Variants in POLR2B observed in about 807,000 individuals in gnomAD.
POLR2B encodes the protein RNA polymerase II subunit B.
POLR2B carries 57 observed loss-of-function variants against 144.6 expected under a neutral mutation model. The ratio of observed to expected loss-of-function variants is 0.39; its 90% CI spans 0.32 to 0.49. The LOEUF is 0.49. POLR2B is among the 20% of genes least tolerant of loss of function. The probability of loss-of-function intolerance (pLI) is 0.83; values close to 1 mark genes in which losing one functional copy is unlikely to be tolerated. For synonymous variants in POLR2B, 442 were observed against 469.8 expected (o/e 0.94, Z 0.77); for missense variants, 595 against 1,467.4 (o/e 0.41, Z 9.71).
At position 57,026,366 on chromosome 4, in the gene POLR2B, G is replaced by C. The variant is rs759192341; in HGVS notation, c.3239+829G>C. 7.2e-4 allele frequency among the ~76,000 whole-genome samples: 110 copies of C among 152,098 alleles called. 1 individual carries two copies. Among genetic ancestry groups the C allele is most frequent in the Non-Finnish European group, 3.4e-4 (23 of 68,018 alleles). On this transcript the variant is annotated intron_variant, in intron 23 of 24. Coordinates refer to ENST00000314595, the MANE Select transcript of POLR2B (RefSeq NM_000938.3). The stretch of plus-strand genomic sequence containing the variant: ...GTTGGAATTACAGGCGTGAACCACT[G>C]CACCCAGCCCTCTTGATTATTTTTA...
At chr4:57,015,847 C>T (rs1247153833) in intron 14 of POLR2B, among the ~76,000 whole-genome samples, 191 bp downstream of exon 14, 1 of 152,052 alleles carries the variant, frequency 6.6e-6, no homozygotes, top group East Asian at 1.9e-4. Flanking sequence ...TAACCTCCAC[C>T]TCCTGGGTTC....
intron 9 of POLR2B, 141 bp downstream of exon 9, chr4:57,005,860 T>G: frequency 1.4e-6 from 1 of 720,654 alleles, no homozygotes; most frequent in Non-Finnish European, 2.2e-6. Flanking sequence ...TGCTATTTGC[T>G]CAGATTTAGT....
At chr4:57,019,046 C>G (rs1393650289) in intron 16 of POLR2B, among the ~76,000 whole-genome samples, 1 of 152,136 alleles carries the variant, frequency 6.6e-6, no homozygotes, top group Non-Finnish European at 1.5e-5. Context: ...TGTAATGGGG[C>G]TCTACCATTT....
chr4:57,015,000 G>A (rs1723321758), intron 13 of POLR2B, among the ~76,000 whole-genome samples: 1 of 152,120 alleles, frequency 6.6e-6, no homozygotes, highest in Admixed American at 6.6e-5. Context: ...GTCACATGTG[G>A]CTATCCCCTG....
Position 57,022,199 on chromosome 4 carries a change from T to A in POLR2B, c.2468T>A (p.Phe823Tyr). Reference sequence around the variant, plus strand: ...AAAGAACAGGAGTCTAAAAAAGGATTTGATCAAGAAGAAGTTTTTGAGAAG... The same window carrying A: ...AAAGAACAGGAGTCTAAAAAAGGATATGATCAAGAAGAAGTTTTTGAGAAG... ...SYKEQESKKG[F>Y]DQEEVFEKPT... Residue 823 changes from phenylalanine (F) to tyrosine (Y), a missense_variant, in exon 18 of 25, where the codon TTT becomes TAT. Around this residue, in one of 9 missense-constraint regions of POLR2B, gnomAD observed 75 missense variants for 100.0 expected, o/e 0.75. Coordinates refer to ENST00000314595, the MANE Select transcript of POLR2B (RefSeq NM_000938.3). The A allele has an allele frequency of 6.2e-7, 1 of 1,612,958 alleles. No individual in the cohort carries two copies. Among genetic ancestry groups the A allele is most frequent in the Non-Finnish European group, 8.5e-7 (1 of 1,179,076 alleles).
intron 1 of POLR2B, chr4:56,985,443 C>G: frequency 1.0e-6 from 1 of 985,328 alleles, no homozygotes; most frequent in East Asian, 1.1e-4. Flanking sequence ...GTGGGGCGGC[C>G]CCGACTTTCG....
chr4:56,994,687 A>G lies in POLR2B; in HGVS notation c.397A>G (p.Ile133Val). Reference protein sequence around the residue: ...PLYVDITKTVIKEGEEQLQTQ... With the variant: ...PLYVDITKTVVKEGEEQLQTQ... ...TTATGTTGATATAACAAAAACAGTC[A>G]TTAAAGAAGGTGAAGAACAACTTCA... The change falls in exon 5 of 25, where the codon ATT becomes GTT. Residue 133 changes from isoleucine (I) to valine (V), a missense_variant. Ile to Val is a conservative substitution (Grantham distance 29). Coordinates refer to ENST00000314595, the MANE Select transcript of POLR2B (RefSeq NM_000938.3). The G allele has an allele frequency of 6.2e-7, 1 of 1,613,526 alleles. No individual in the cohort carries two copies. Among genetic ancestry groups the G allele is most frequent in the Non-Finnish European group, 8.5e-7 (1 of 1,179,470 alleles).
chr4:57,012,088 G>A (rs1626594), intron 13 of POLR2B, among the ~76,000 whole-genome samples: 56,040 of 151,786 alleles, frequency 0.37, 10,609 homozygotes, highest in South Asian at 0.47. Context: ...AGTGCTTTGG[G>A]ATTAGGATGG....
At chr4:56,982,456 C>T (rs1722184099) in intron 1 of POLR2B, among the ~76,000 whole-genome samples, 1 of 152,022 alleles carries the variant, frequency 6.6e-6, no homozygotes, top group African/African-American at 2.4e-5. Flanking sequence ...CCTGTGATCC[C>T]AGCTCCTCGG....
At chr4:56,980,839 C>G (rs1315213903) in intron 1 of POLR2B, among the ~76,000 whole-genome samples, 1 of 149,756 alleles carries the variant, frequency 6.7e-6, no homozygotes, top group African/African-American at 2.5e-5. Flanking sequence ...TGGTCTTGCT[C>G]TGTTGCCCAG....
intron 1 of POLR2B, among the ~76,000 whole-genome samples, chr4:56,979,451 G>C (rs910284593): frequency 8.7e-5 from 13 of 149,012 alleles, no homozygotes; most frequent in Admixed American, 6.7e-4. Context: ...CGGGGGGTGG[G>C]GGTGGCGGGG....
At position 57,010,767 on chromosome 4, in the gene POLR2B, T is replaced by G. The variant is rs753332110; in HGVS notation, c.1568T>G (p.Val523Gly). 6.2e-7 allele frequency: 1 copy of G among 1,606,558 alleles called. No homozygotes were observed. Among genetic ancestry groups the G allele is most frequent in the Non-Finnish European group, 8.5e-7 (1 of 1,176,916 alleles). ...TTTTAGGGCCATGCTGTAGGACTTG[T>G]GAAGAATTTAGCCTTGATGGCGTAT... Reference protein sequence around the residue: ...ETPEGHAVGLVKNLALMAYIS... With the variant: ...ETPEGHAVGLGKNLALMAYIS... Residue 523 changes from valine to glycine, a missense_variant, in exon 12 of 25, where the codon GTG becomes GGG. Val to Gly is a moderately radical substitution (Grantham distance 109). This residue lies in a region of POLR2B where 7 missense variants were observed against 82.5 expected (regional missense o/e 0.08). Coordinates refer to ENST00000314595, the MANE Select transcript of POLR2B (RefSeq NM_000938.3).
At chr4:57,030,030 C>T (rs190075968) in intron 23 of POLR2B, among the ~76,000 whole-genome samples, 174 bp from the exon 24 acceptor site, 146 of 152,188 alleles carry the variant, frequency 9.6e-4, no homozygotes, top group East Asian at 3.9e-4. Context: ...TTCTAATGCA[C>T]GTCAAATAGT....
Position 57,017,785 on chromosome 4 carries a change from C to T in POLR2B, c.2323+57C>T. The T allele has an allele frequency of 2.3e-6, 3 of 1,316,762 alleles. No individual in the cohort carries two copies. The highest frequency in any genetic ancestry group is 1.3e-5 in the South Asian group (1 of 76,912). The allele number at this position is 1,316,762 out of a possible 1,614,324, so 81.6% of individuals were successfully genotyped here. A position where few individuals can be genotyped will look rare whatever the true frequency, so the allele number is the denominator to read the frequency against. On this transcript the variant is annotated intron_variant, in intron 16 of 24. Coordinates refer to ENST00000314595, the MANE Select transcript of POLR2B (RefSeq NM_000938.3). This position sits in a 1 kb window ranked among gnomAD's most constrained non-coding sequence, Gnocchi z 4.8. ...ATCCTTCTGTGCTTAAGGCACTTTT[C>T]TGGGTGCTTGGGAGGATTAAAAAAT...
In POLR2B at chr4:57,010,828, A is replaced by AT. The variant is rs763843331; in HGVS notation, c.1634dup (p.Leu545PhefsTer19). On this transcript the variant is annotated frameshift_variant, in exon 12 of 25. Transcript: ENST00000314595. LOFTEE classifies it high-confidence loss of function. The stretch of plus-strand genomic sequence containing the variant: ...GATCTCAACCATCTCCAATTCTGGA[A>AT]TTTTTAGAAGAATGGAGTATGGAAA... 6.2e-7 allele frequency: 1 copy of AT among 1,610,758 alleles called. No individual in the cohort carries two copies. Among genetic ancestry groups the AT allele is most frequent in the South Asian group, 1.1e-5 (1 of 90,874 alleles).
rs771519371 is a variant in POLR2B, at chr4:56,986,354, A to G, written c.20A>G (p.Asp7Gly). 15 of 1,599,840 alleles carry G rather than the reference A, an allele frequency of 9.4e-6. No individual in the cohort carries two copies. The highest frequency in any genetic ancestry group is 1.3e-5 in the African/African-American group (1 of 74,734). MYDADEDMQYDEDDDEI... is the reference protein window; with the variant it reads MYDADEGMQYDEDDDEI... ...GAGTACAATATTTTTGTTTTTACAG[A>G]TATGCAATATGATGAGGATGATGAT... Residue 7 changes from aspartate to glycine, a missense_variant and splice_region_variant, in exon 2 of 25, where the codon GAT (aspartate) becomes GGT (glycine). Physicochemically the swap from Asp to Gly is moderately conservative, Grantham distance 94. Transcript: ENST00000314595.
Position 56,994,555 on chromosome 4 carries a change from A to G in POLR2B, c.356+39A>G, listed in dbSNP as rs766947033. On this transcript the variant is annotated intron_variant, in intron 4 of 24. Transcript: ENST00000314595. Reference sequence around the variant, plus strand: ...TTTCCTTGTCAGCAGTAGATACTGAAATAGAATTTTGAAAATGTAATTTTA... The same window carrying G: ...TTTCCTTGTCAGCAGTAGATACTGAGATAGAATTTTGAAAATGTAATTTTA... 1.4e-5 allele frequency: 21 copies of G among 1,456,706 alleles called. No individual in the cohort carries two copies. The African/African-American group carries it at 2.8e-4, about 19-fold the overall frequency. The allele number at this position is 1,456,706 out of a possible 1,614,324, so 90.2% of individuals were successfully genotyped here.
chr4:56,999,851 T>TAAAACATAGTAG, intron 7 of POLR2B, 70 bp downstream of exon 7: 1 of 1,065,002 alleles, frequency 9.4e-7, no homozygotes, highest in Non-Finnish European at 1.4e-6. Context: ...TTGCTAACCT[T>TAAAACATAGTAG]AAAACATAGT....
In POLR2B at chr4:57,024,885, G is replaced by C; in HGVS notation, c.2965-1G>C. 1 of 1,495,018 alleles carries C rather than the reference G, an allele frequency of 6.7e-7. No homozygotes were observed. Among genetic ancestry groups the C allele is most frequent in the Non-Finnish European group, 9.2e-7 (1 of 1,084,276 alleles). The allele number at this position is 1,495,018 out of a possible 1,614,324, so 92.6% of individuals were successfully genotyped here. ...TTAAAGAGTACTTTTTTTTTTAAAA[G>C]GTATCGGCTAACAAGGGTGAAATTG... On this transcript the variant is annotated splice_acceptor_variant, in intron 21 of 24. Coordinates refer to ENST00000314595, the MANE Select transcript of POLR2B (RefSeq NM_000938.3). LOFTEE classifies it high-confidence loss of function.
Sources: gnomAD v4.1 joint callset for allele counts (sites outside exome capture counted in the v4.1 genomes callset) on GRCh38, gnomAD v4.1.1 for gene constraint, gnomAD v4.1.1 regional missense constraint, Gnocchi (gnomAD v3.1) non-coding constraint, MANE v1.5 for transcripts, NCBI Gene and HGNC (gene_info 2026-07-23, HGNC 2026-07-21) for gene names.